The following FGL1 variants were observed in gnomAD, a reference collection of about 807,000 sequenced individuals.
The protein encoded by FGL1 is fibrinogen-like protein 1.
In FGL1, 59 loss-of-function variants were observed where a neutral mutation model predicts 43.7. The ratio of observed to expected loss-of-function variants is 1.35; its 90% CI spans 1.10 to 1.68. FGL1 has a LOEUF of 1.68. Ranked by LOEUF, FGL1 falls within the 40% of genes most tolerant of loss-of-function variation. FGL1 has a pLI of 0.00. For missense variants in FGL1, 596 were observed against 373.0 expected (o/e 1.60, Z -4.92); for synonymous variants, 192 against 126.5 (o/e 1.52, Z -3.48).
chr8:17,872,988 G>C (rs563647899), intron 5 of FGL1, among the ~76,000 whole-genome samples: 1 of 152,074 alleles, frequency 6.6e-6, no homozygotes, highest in Non-Finnish European at 1.5e-5. Flanking sequence ...GGATACAGGT[G>C]GTAGGTTGAA....
At chr8:17,887,289 G>A (rs565421850) in intron 1 of FGL1, among the ~76,000 whole-genome samples, 1 of 152,280 alleles carries the variant, frequency 6.6e-6, no homozygotes, top group East Asian at 1.9e-4. Flanking sequence ...GCTTTTCCTT[G>A]ACTGATCGCT....
intron 2 of FGL1, among the ~76,000 whole-genome samples, chr8:17,883,453 G>T (rs1296388280): frequency 2.7e-5 from 3 of 111,278 alleles, no homozygotes; most frequent in Admixed American, 2.1e-4. Context: ...TAAATGAATA[G>T]ATATTATATA....
At chr8:17,865,852 G>A (rs917988914) in intron 7 of FGL1, among the ~76,000 whole-genome samples, 4 of 151,754 alleles carry the variant, frequency 2.6e-5, no homozygotes, top group African/African-American at 7.3e-5. Context: ...TAATCTACCC[G>A]TAAAGGCTGA....
intron 2 of FGL1, among the ~76,000 whole-genome samples, chr8:17,884,552 C>G (rs889866216): frequency 6.6e-6 from 1 of 152,078 alleles, no homozygotes; most frequent in South Asian, 2.1e-4. Context: ...TCAGATTTAT[C>G]CCTTCTGAGA....
chr8:17,875,597 CTTTCT>C (rs2053443979), intron 3 of FGL1, among the ~76,000 whole-genome samples: 1 of 140,216 alleles, frequency 7.1e-6, no homozygotes, highest in African/African-American at 2.8e-5. Flanking sequence ...TTCTTTCTTT[CTTTCT>C]TTCTTTCTTT....
intron 2 of FGL1, 93 bp downstream of exon 2, chr8:17,885,399 T>C (rs2053612579): frequency 9.3e-7 from 1 of 1,079,748 alleles, no homozygotes; most frequent in East Asian, 2.4e-5. Context: ...GTTTTTTCAA[T>C]GACAAGTCAC....
At chr8:17,886,795 AGGAGAGGAG>A (rs2053635204) in intron 1 of FGL1, among the ~76,000 whole-genome samples, 1 of 151,446 alleles carries the variant, frequency 6.6e-6, no homozygotes, top group Non-Finnish European at 1.5e-5. Context: ...AGGAGAGGAG[AGGAGAGGAG>A]AGGAGAGAAG....
chr8:17,864,768 A>C lies in FGL1; in HGVS notation c.780-17T>G. 7.0e-7 allele frequency: 1 copy of C among 1,429,896 alleles called. No homozygotes were observed. Among genetic ancestry groups the C allele is most frequent in the Non-Finnish European group, 9.2e-7 (1 of 1,084,888 alleles). 88.6% of individuals were successfully genotyped at this position (1,429,896 alleles called of 1,614,324 possible). A position where few individuals can be genotyped will look rare whatever the true frequency, so the allele number is the denominator to read the frequency against. ...GAGTGACACCTAGTGGAAGGGAGAA[A>C]AAAAAAGAAAACAACAATCAGACTG... On this transcript the variant is annotated splice_polypyrimidine_tract_variant and intron_variant, in intron 7 of 7. Coordinates refer to ENST00000427924, the MANE Select transcript of FGL1 (RefSeq NM_004467.4).
intron 7 of FGL1, among the ~76,000 whole-genome samples, chr8:17,865,204 A>G (rs1368234926): frequency 2.0e-5 from 3 of 152,216 alleles, no homozygotes; most frequent in Non-Finnish European, 4.4e-5. Context: ...TTCTTTAAAC[A>G]AAAAATTAAA....
At chr8:17,871,781 G>C (rs2053365841) in intron 5 of FGL1, among the ~76,000 whole-genome samples, 1 of 152,098 alleles carries the variant, frequency 6.6e-6, no homozygotes. Flanking sequence ...TGGGGGCCCA[G>C]GAACTGAAAA....
At chr8:17,867,258 G>A (rs761268317) in intron 7 of FGL1, among the ~76,000 whole-genome samples, 1 of 151,998 alleles carries the variant, frequency 6.6e-6, no homozygotes, top group Non-Finnish European at 1.5e-5. Flanking sequence ...AGTGAGTAAC[G>A]AGCAGATAAA....
chr8:17,886,781 A>AGAGAGGAGAG (rs61063668), intron 1 of FGL1, among the ~76,000 whole-genome samples: 2 of 150,296 alleles, frequency 1.3e-5, no homozygotes, highest in South Asian at 2.1e-4. Flanking sequence ...TGAGAGGAGA[A>AGAGAGGAGAG]GAGAGGAGAG....
intron 3 of FGL1, among the ~76,000 whole-genome samples, chr8:17,878,651 A>G (rs534055966): frequency 6.6e-6 from 1 of 152,334 alleles, no homozygotes; most frequent in South Asian, 2.1e-4. Flanking sequence ...AGTATGCTGT[A>G]GAAAATCATG....
intron 5 of FGL1, 31 bp from the exon 6 acceptor site, chr8:17,869,035 A>T (rs1181725103): frequency 2.1e-6 from 3 of 1,425,654 alleles, no homozygotes; most frequent in Non-Finnish European, 2.9e-6. Flanking sequence ...TATAATTTTT[A>T]AAAATGTGTG....
rs549441794 is a variant in FGL1, at chr8:17,874,805, AT to A, written c.245-285del. 1.9e-4 allele frequency: 41 copies of A among 215,582 alleles called. 1 individual carries two copies. The highest frequency in any genetic ancestry group is 1.9e-3 in the East Asian group (19 of 10,212). The allele number at this position is 215,582 out of a possible 1,614,324, so 13.4% of individuals were successfully genotyped here. On this transcript the variant is annotated intron_variant, in intron 3 of 7. Coordinates refer to ENST00000427924, the MANE Select transcript of FGL1 (RefSeq NM_004467.4). ...GTTTCTTTCTTCTTTTTTCTTTTAC[AT>A]TTTTTTTAAGAAATGGGGGCGTGTC...
chr8:17,889,482 G>A (rs780274315), intron 1 of FGL1, among the ~76,000 whole-genome samples: 9 of 152,274 alleles, frequency 5.9e-5, no homozygotes, highest in South Asian at 2.1e-4. Context: ...CCTGGGAGGC[G>A]GAGGTTGCAG....
chr8:17,889,601 T>G (rs1265445548), intron 1 of FGL1, among the ~76,000 whole-genome samples: 3 of 152,188 alleles, frequency 2.0e-5, no homozygotes, highest in Admixed American at 6.5e-5. Context: ...GGCCATTTTA[T>G]TTTATTTCAT....
intron 1 of FGL1, among the ~76,000 whole-genome samples, chr8:17,889,287 C>G (rs560418206): frequency 1.3e-5 from 2 of 152,328 alleles, no homozygotes; most frequent in African/African-American, 2.4e-5. Flanking sequence ...TGGTGGCTTA[C>G]GCCTGTAATC....
At chr8:17,867,396 A>G (rs2053285163) in intron 7 of FGL1, among the ~76,000 whole-genome samples, 1 of 151,510 alleles carries the variant, frequency 6.6e-6, no homozygotes, top group Non-Finnish European at 1.5e-5. Context: ...CGCTAGGGGG[A>G]AAAATCTTTT....
Sources: allele counts gnomAD v4.1 joint callset (sites outside exome capture counted in the v4.1 genomes callset), GRCh38; gene constraint gnomAD v4.1.1; transcripts MANE v1.5; gene names NCBI Gene and HGNC (gene_info 2026-07-23, HGNC 2026-07-21).